The following SORCS1 variants were observed in gnomAD, a reference collection of about 807,000 sequenced individuals.
SORCS1 encodes VPS10 domain-containing receptor SorCS1.
Under a neutral mutation model 146.1 loss-of-function variants are expected in SORCS1, and 60 were observed. The observed-to-expected ratio is 0.41, with a 90% confidence interval of 0.33 to 0.51. SORCS1 has a LOEUF of 0.51. SORCS1 is among the 20% of genes least tolerant of loss of function. The pLI is 0.21. For synonymous variants in SORCS1, 637 were observed against 584.0 expected, an observed-to-expected ratio of 1.09 and a Z score of -1.31; for missense variants, 1,352 against 1,487.6, an observed-to-expected ratio of 0.91 and a Z score of 1.50.
chr10:106,597,545 C>T, intron 23 of SORCS1, 95 bp from the exon 24 acceptor site: 1 of 873,634 alleles, frequency 1.1e-6, no homozygotes, highest in Non-Finnish European at 1.9e-6. Flanking sequence ...CAAGGTATCA[C>T]AATATTATAC....
chr10:106,947,851 G>A (rs569971768), intron 2 of SORCS1, among the ~76,000 whole-genome samples: 1 of 150,710 alleles, frequency 6.6e-6, no homozygotes, highest in African/African-American at 2.4e-5. Context: ...AAAAAAAAAA[G>A]AGAAAAAGAA....
intron 1 of SORCS1, among the ~76,000 whole-genome samples, chr10:107,096,824 T>C (rs766523760): frequency 6.6e-6 from 1 of 152,198 alleles, no homozygotes; most frequent in Non-Finnish European, 1.5e-5. Context: ...ATCAATATTC[T>C]TAAAGGCCAA....
At chr10:107,128,528 T>C (rs1966836221) in intron 1 of SORCS1, among the ~76,000 whole-genome samples, 1 of 152,210 alleles carries the variant, frequency 6.6e-6, no homozygotes, top group Non-Finnish European at 1.5e-5. Context: ...TTTTCTCATT[T>C]CTAAAATGGA....
Position 106,706,564 on chromosome 10 carries a change from G to T in SORCS1, c.1214C>A (p.Pro405Gln), listed in dbSNP as rs1410171543. Reference sequence around the variant, plus strand: ...CCATACCTTGGGCAAAGCATATTTCGGAAGCTTCATTTGGGCAAATGCATT... The same window carrying T: ...CCATACCTTGGGCAAAGCATATTTCTGAAGCTTCATTTGGGCAAATGCATT... Reference protein sequence around the residue: ...RRNAFAQMKLPKYALPKDMHV... With the variant: ...RRNAFAQMKLQKYALPKDMHV... The change falls in exon 8 of 26, where the codon CCG becomes CAG. Residue 405 changes from proline (P) to glutamine (Q), a missense_variant. Pro to Gln is a moderately conservative substitution (Grantham distance 76). Coordinates refer to ENST00000263054, the MANE Select transcript of SORCS1 (RefSeq NM_052918.5). 6.2e-7 allele frequency: 1 copy of T among 1,614,116 alleles called. No individual in the cohort carries two copies. Among genetic ancestry groups the T allele is most frequent in the Non-Finnish European group, 8.5e-7 (1 of 1,179,984 alleles).
chr10:106,928,183 C>T (rs555922286), intron 2 of SORCS1, among the ~76,000 whole-genome samples: 2 of 152,316 alleles, frequency 1.3e-5, no homozygotes, highest in East Asian at 1.9e-4. Flanking sequence ...AGGCTCGGGC[C>T]GCACAGGAGC....
chr10:106,826,404 A>C (rs1589486569), intron 3 of SORCS1, among the ~76,000 whole-genome samples: 1 of 152,256 alleles, frequency 6.6e-6, no homozygotes, highest in Non-Finnish European at 1.5e-5. Flanking sequence ...GGATAGCTTA[A>C]GTCCTAGAAG....
upstream of SORCS1, among the ~76,000 whole-genome samples, chr10:107,168,800 T>C (rs7099998): frequency 0.23 from 34,614 of 151,846 alleles, 4,037 homozygotes; most frequent in African/African-American, 0.27. Context: ...TACGTAGGCA[T>C]TCTTATTCCC....
At chr10:106,704,737 T>C (rs1233684057) in intron 8 of SORCS1, among the ~76,000 whole-genome samples, 4 of 152,072 alleles carry the variant, frequency 2.6e-5, no homozygotes, top group African/African-American at 9.7e-5. Flanking sequence ...AAACAGTTTA[T>C]TCCCAAGAGT....
intron 1 of SORCS1, among the ~76,000 whole-genome samples, chr10:107,063,965 ATTCAG>A (rs1403555053): frequency 1.3e-5 from 2 of 152,216 alleles, no homozygotes; most frequent in Non-Finnish European, 2.9e-5. Flanking sequence ...GACTTAAAAT[ATTCAG>A]TAGAATTCAA....
intron 17 of SORCS1, among the ~76,000 whole-genome samples, chr10:106,660,846 C>G (rs1197076594): frequency 6.6e-6 from 1 of 151,972 alleles, no homozygotes; most frequent in Non-Finnish European, 1.5e-5. Flanking sequence ...GAATTAATGG[C>G]CCCTATAAAG....
chr10:107,120,136 T>G (rs1565070169), intron 1 of SORCS1, among the ~76,000 whole-genome samples: 1 of 152,162 alleles, frequency 6.6e-6, no homozygotes, highest in Non-Finnish European at 1.5e-5. Flanking sequence ...TTTAAATTGG[T>G]TTTACCTTTG....
intron 2 of SORCS1, among the ~76,000 whole-genome samples, chr10:106,900,856 G>A (rs1459844021): frequency 6.6e-6 from 1 of 152,156 alleles, no homozygotes; most frequent in African/African-American, 2.4e-5. Flanking sequence ...ACACAGATGA[G>A]GGAGCTGAGG....
chr10:106,589,765 T>TCTTGCCA lies in SORCS1; in HGVS notation c.3265+7579_3265+7585dup, dbSNP rs1244768087. ...CATCTCGACTAAACAAATTACCATA[T>TCTTGCCA]CTTGCCACTTGCCACTTGAGTTGTA... On this transcript the variant is annotated intron_variant, in intron 24 of 25. Transcript: ENST00000263054. Among the ~76,000 whole-genome samples, 143 of 150,572 alleles carry TCTTGCCA rather than the reference T, an allele frequency of 9.5e-4. 1 individual carries two copies. Among genetic ancestry groups the TCTTGCCA allele is most frequent in the African/African-American group, 3.4e-3 (138 of 40,892 alleles).
intron 1 of SORCS1, among the ~76,000 whole-genome samples, chr10:107,047,535 A>C (rs980073669): frequency 2.0e-5 from 3 of 152,204 alleles, no homozygotes; most frequent in Non-Finnish European, 2.9e-5. Context: ...TCTGATTATC[A>C]GAAAAAGTAC....
chr10:106,722,698 AC>A, intron 6 of SORCS1, among the ~76,000 whole-genome samples: 1 of 152,342 alleles, frequency 6.6e-6, no homozygotes, highest in Non-Finnish European at 1.5e-5. Flanking sequence ...CACCACCAGT[AC>A]AGAAACATTC....
intron 24 of SORCS1, among the ~76,000 whole-genome samples, chr10:106,587,949 G>A (rs989740705): frequency 6.6e-6 from 1 of 152,106 alleles, no homozygotes; most frequent in Admixed American, 6.5e-5. Context: ...CAGAACTCCA[G>A]ACGAACAGCG....
intron 3 of SORCS1, among the ~76,000 whole-genome samples, chr10:106,778,000 G>C (rs2136385591): frequency 6.6e-6 from 1 of 152,312 alleles, no homozygotes; most frequent in East Asian, 1.9e-4. Context: ...AAGAGAGAGA[G>C]AGGGGAATAG....
intron 2 of SORCS1, among the ~76,000 whole-genome samples, chr10:106,885,526 C>A (rs1950963614): frequency 6.6e-6 from 1 of 151,970 alleles, no homozygotes; most frequent in East Asian, 1.9e-4. Context: ...ACTCTTCTTT[C>A]ATTGTTGCAG....
intron 3 of SORCS1, among the ~76,000 whole-genome samples, chr10:106,817,344 G>A (rs1002613566): frequency 7.2e-5 from 11 of 152,180 alleles, no homozygotes; most frequent in African/African-American, 2.2e-4. Flanking sequence ...AGTTATTCTT[G>A]TTCAAGGGAA....
Sources: allele counts gnomAD v4.1 joint callset (sites outside exome capture counted in the v4.1 genomes callset), GRCh38; gene constraint gnomAD v4.1.1; transcripts MANE v1.5; gene names NCBI Gene and HGNC (gene_info 2026-07-23, HGNC 2026-07-21).